The following SEMA3C variants were observed in gnomAD, a reference collection of about 807,000 sequenced individuals.
SEMA3C encodes semaphorin-3C.
SEMA3C carries 47 observed loss-of-function variants against 89.4 expected under a neutral mutation model. The observed-to-expected ratio is 0.53, with a 90% CI of 0.42 to 0.67. The LOEUF (loss-of-function observed/expected upper bound fraction) is 0.67. SEMA3C is among the 30% of genes least tolerant of loss of function. The pLI is 0.00. For missense variants in SEMA3C, 839 were observed against 929.1 expected (o/e 0.90, Z 1.26); for synonymous variants, 310 against 320.2 (o/e 0.97, Z 0.34).
intron 16 of SEMA3C, 79 bp from the exon 17 acceptor site, chr7:80,749,107 A>G: frequency 7.4e-7 from 1 of 1,357,802 alleles, no homozygotes; most frequent in Non-Finnish European, 9.8e-7. Context: ...TAGAAATGCT[A>G]TATACATGTT....
chr7:80,827,400 T>TTG, intron 4 of SEMA3C, 25 bp downstream of exon 4: 1 of 1,462,192 alleles, frequency 6.8e-7, no homozygotes, highest in Non-Finnish European at 9.0e-7. Flanking sequence ...GTGTTTTTTT[T>TTG]TTTTTTTTTT....
intron 2 of SEMA3C, among the ~76,000 whole-genome samples, chr7:80,902,100 GCAC>G (rs1791894812): frequency 6.6e-6 from 1 of 152,110 alleles, no homozygotes; most frequent in Non-Finnish European, 1.5e-5. Context: ...CTACAGGTGT[GCAC>G]CACCGCACTC....
chr7:80,786,450 C>T (rs1478305907), intron 12 of SEMA3C, among the ~76,000 whole-genome samples: 2 of 148,792 alleles, frequency 1.3e-5, no homozygotes, highest in Non-Finnish European at 3.0e-5. Context: ...ACCTTTAAGA[C>T]AGGCTTCACA....
At chr7:80,758,194 T>C (rs1788106394) in intron 15 of SEMA3C, 137 bp downstream of exon 15, 3 of 870,376 alleles carry the variant, frequency 3.4e-6, no homozygotes, top group African/African-American at 3.4e-5. Flanking sequence ...TCAAAGACTA[T>C]GTGTGGTGTT....
intron 2 of SEMA3C, among the ~76,000 whole-genome samples, chr7:80,858,870 A>G (rs1194499683): frequency 6.6e-6 from 1 of 152,198 alleles, no homozygotes; most frequent in Non-Finnish European, 1.5e-5. Context: ...CTCCATATGA[A>G]TAACTGAACC....
intron 2 of SEMA3C, among the ~76,000 whole-genome samples, chr7:80,880,754 A>G (rs899029169): frequency 2.0e-5 from 3 of 152,058 alleles, no homozygotes; most frequent in Non-Finnish European, 4.4e-5. Context: ...GTGAAACCCC[A>G]TCTCTACTAA....
intron 2 of SEMA3C, among the ~76,000 whole-genome samples, chr7:80,882,605 C>T (rs990004149): frequency 6.6e-6 from 1 of 151,880 alleles, no homozygotes; most frequent in Admixed American, 6.6e-5. Context: ...GCTCAACAGG[C>T]ACACTAGGGG....
chr7:80,782,132 C>A (rs562948238), intron 12 of SEMA3C, among the ~76,000 whole-genome samples: 1 of 152,176 alleles, frequency 6.6e-6, no homozygotes, highest in Admixed American at 6.5e-5. Flanking sequence ...TAAAGTTCTA[C>A]TCCCTTTCCA....
intron 2 of SEMA3C, among the ~76,000 whole-genome samples, chr7:80,893,038 A>C (rs977964732): frequency 6.6e-6 from 1 of 152,168 alleles, no homozygotes; most frequent in African/African-American, 2.4e-5. Context: ...CTTGTCCTTA[A>C]GCTCCTTCAT....
upstream of SEMA3C, chr7:80,922,221 G>A (rs1450845139): frequency 8.6e-6 from 11 of 1,280,216 alleles, no homozygotes; most frequent in African/African-American, 1.5e-5. Context: ...CGTGATTGCC[G>A]TAATGTCTCA....
intron 7 of SEMA3C, among the ~76,000 whole-genome samples, chr7:80,804,622 T>C (rs922943896): frequency 6.6e-6 from 1 of 152,010 alleles, no homozygotes; most frequent in African/African-American, 2.4e-5. Flanking sequence ...GAATGAGGAG[T>C]TGGAAGTCCA....
intron 15 of SEMA3C, among the ~76,000 whole-genome samples, chr7:80,752,460 A>G (rs1316004862): frequency 6.6e-6 from 1 of 151,952 alleles, no homozygotes; most frequent in African/African-American, 2.4e-5. Flanking sequence ...AAATACAAAA[A>G]TTAGCTGGGC....
rs1792051590 is a variant in SEMA3C, at chr7:80,907,866, TCC to T, written c.103+8811_103+8812del. ...AGGGCAGACATGTTATTTAAAAGGC[TCC>T]AACGTATCCACCATACCATATCTAA... On this transcript the variant is annotated intron_variant, in intron 2 of 17. Coordinates refer to ENST00000265361, the MANE Select transcript of SEMA3C (RefSeq NM_006379.5). 4.6e-5 allele frequency among the ~76,000 whole-genome samples: 7 copies of T among 152,030 alleles called. No homozygotes were observed. The South Asian group carries it at 1.5e-3, about 32-fold the overall frequency.
chr7:80,896,301 T>C (rs1222220780), intron 2 of SEMA3C, among the ~76,000 whole-genome samples: 1 of 152,162 alleles, frequency 6.6e-6, no homozygotes, highest in Non-Finnish European at 1.5e-5. Context: ...AAAGTTGATA[T>C]AACCATTTGT....
intron 2 of SEMA3C, among the ~76,000 whole-genome samples, chr7:80,906,559 G>T (rs1228074376): frequency 1.3e-5 from 2 of 152,048 alleles, no homozygotes; most frequent in African/African-American, 4.8e-5. Flanking sequence ...AAAAGAGAGG[G>T]AAGAAAGGAA....
At chr7:80,812,052 C>G (rs1016446748) in intron 5 of SEMA3C, among the ~76,000 whole-genome samples, 12 of 152,068 alleles carry the variant, frequency 7.9e-5, no homozygotes, top group Non-Finnish European at 5.9e-5. Flanking sequence ...AAAGGTAAAT[C>G]CAAACAACTA....
intron 2 of SEMA3C, among the ~76,000 whole-genome samples, chr7:80,906,538 A>G (rs1184257752): frequency 6.6e-6 from 1 of 152,240 alleles, no homozygotes; most frequent in Admixed American, 6.5e-5. Context: ...TCAGTAAAAA[A>G]GAAGAGAAAA....
At chr7:80,794,986 A>T (rs1789027753) in intron 11 of SEMA3C, among the ~76,000 whole-genome samples, 1 of 152,156 alleles carries the variant, frequency 6.6e-6, no homozygotes, top group African/African-American at 2.4e-5. Flanking sequence ...CGAGGGTATG[A>T]GATTTCTGCC....
intron 13 of SEMA3C, among the ~76,000 whole-genome samples, chr7:80,763,911 T>A (rs958988331): frequency 3.9e-5 from 6 of 152,190 alleles, no homozygotes; most frequent in African/African-American, 7.2e-5. Flanking sequence ...TGACGTCATT[T>A]TATGAGCCCG....
Sources: gnomAD v4.1 joint callset for allele counts (sites outside exome capture counted in the v4.1 genomes callset) on GRCh38, gnomAD v4.1.1 for gene constraint, MANE v1.5 for transcripts, NCBI Gene and HGNC (gene_info 2026-07-23, HGNC 2026-07-21) for gene names.